PCDHGA12: variants seen among roughly 807,000 people sequenced by gnomAD.
PCDHGA12 encodes protocadherin gamma subfamily A, 12, also known as protocadherin gamma-A12.
Under a neutral mutation model 61.1 loss-of-function variants are expected in PCDHGA12, and 43 were observed. The ratio of observed to expected loss-of-function variants is 0.70; its 90% confidence interval spans 0.55 to 0.91. PCDHGA12 has a LOEUF of 0.91. Ranked by LOEUF, PCDHGA12 falls within the 40% of genes least tolerant of loss-of-function variation. PCDHGA12 has a pLI of 0.00. For synonymous variants in PCDHGA12, 520 were observed against 542.9 expected (o/e 0.96, Z 0.59); for missense variants, 1,236 against 1,227.7 (o/e 1.01, Z -0.10).
At chr5:141,495,974 CTCTT>C (rs1562171251) in intron 2 of PCDHGA12, among the ~76,000 whole-genome samples, 2 of 152,032 alleles carry the variant, frequency 1.3e-5, no homozygotes, top group Non-Finnish European at 1.5e-5. Context: ...TTCTCTGTTA[CTCTT>C]TCTTTATCTC....
At chr5:141,492,487 C>G (rs1031047955) in intron 1 of PCDHGA12, among the ~76,000 whole-genome samples, 1 of 152,222 alleles carries the variant, frequency 6.6e-6, no homozygotes, top group Non-Finnish European at 1.5e-5. Flanking sequence ...CGCCCAGGAC[C>G]AGGCGAGGAC....
chr5:141,476,966 G>A lies in PCDHGA12; in HGVS notation c.2425-17841G>A. ...CAACGGTGAAATTATTTACTCCTTC[G>A]GCAGCCACAACCGCGCCGGCGTGCG... On this transcript the variant is annotated intron_variant, in intron 1 of 3. Transcript: ENST00000252085. This position sits in a 1 kb window ranked among gnomAD's most constrained non-coding sequence, Gnocchi z 7.6. 1 of 1,614,152 alleles carries A rather than the reference G, an allele frequency of 6.2e-7. No individual in the cohort carries two copies. The highest frequency in any genetic ancestry group is 8.5e-7 in the Non-Finnish European group (1 of 1,180,032).
At chr5:141,508,879 G>A (rs2547559) in intron 3 of PCDHGA12, among the ~76,000 whole-genome samples, 2 of 152,070 alleles carry the variant, frequency 1.3e-5, no homozygotes, top group East Asian at 3.9e-4. Context: ...AGAGGCTGAC[G>A]GCTGGAGGGG....
In PCDHGA12 at chr5:141,491,633, C is replaced by T; in HGVS notation, c.2425-3174C>T. Reference sequence around the variant, plus strand: ...CTAAGACCCCTCAGCGTTCAGCAGCCCACAGCTCTGGCGCTGGAGCCTGAC... The same window carrying T: ...CTAAGACCCCTCAGCGTTCAGCAGCTCACAGCTCTGGCGCTGGAGCCTGAC... On this transcript the variant is annotated intron_variant, in intron 1 of 3. Transcript: ENST00000252085. This position sits in a 1 kb window ranked among gnomAD's most constrained non-coding sequence, Gnocchi z 6.9. 2 of 1,613,916 alleles carry T rather than the reference C, an allele frequency of 1.2e-6. No homozygotes were observed.
chr5:141,436,921 C>T lies in PCDHGA12; in HGVS notation c.2424+3738C>T, dbSNP rs73794904. Among the ~76,000 whole-genome samples the T allele has an allele frequency of 9.3e-3, 1,413 of 152,246 alleles. 25 individuals carry two copies. The highest frequency in any genetic ancestry group is 0.032 in the African/African-American group (1,313 of 41,572). On this transcript the variant is annotated intron_variant, in intron 1 of 3. Coordinates refer to ENST00000252085, the MANE Select transcript of PCDHGA12 (RefSeq NM_003735.3). ...ATATGAGACAATTTTGTGAGTGTTA[C>T]TTTTTCTTTGTCTGAACCATAGTGA...
Position 141,478,335 on chromosome 5 carries a change from C to T in PCDHGA12, c.2425-16472C>T, listed in dbSNP as rs202213361. On this transcript the variant is annotated intron_variant, in intron 1 of 3. Coordinates refer to ENST00000252085, the MANE Select transcript of PCDHGA12 (RefSeq NM_003735.3). ...AGCTCACTGTACCGAACACCAGGGC[C>T]CTCCTTGCACGCGGACGCCGTGCGG... 4.7e-5 allele frequency: 76 copies of T among 1,613,822 alleles called. No individual in the cohort carries two copies. The highest frequency in any genetic ancestry group is 6.1e-5 in the Non-Finnish European group (72 of 1,180,028).
At position 141,487,080 on chromosome 5, in the gene PCDHGA12, C is replaced by G. The variant is rs2154580766; in HGVS notation, c.2425-7727C>G. 1 of 1,614,126 alleles carries G rather than the reference C, an allele frequency of 6.2e-7. No individual in the cohort carries two copies. Among genetic ancestry groups the G allele is most frequent in the East Asian group, 2.2e-5 (1 of 44,872 alleles). On this transcript the variant is annotated intron_variant, in intron 1 of 3. Coordinates refer to ENST00000252085, the MANE Select transcript of PCDHGA12 (RefSeq NM_003735.3). This position sits in a 1 kb window ranked among gnomAD's most constrained non-coding sequence, Gnocchi z 5.0. ...GTGCGGACGGCTGTTCCTATCCCAG[C>G]TGACCTCCCACCACAGAAGCTGGTC...
chr5:141,455,577 C>T (rs1000865176), intron 1 of PCDHGA12, among the ~76,000 whole-genome samples: 3 of 152,120 alleles, frequency 2.0e-5, no homozygotes, highest in East Asian at 1.9e-4. Context: ...CCCACCCCAG[C>T]CTTTTAATAT....
chr5:141,431,973 TC>T lies in PCDHGA12; in HGVS notation c.1215del (p.Thr406GlnfsTer3), dbSNP rs770294598. 13 of 1,614,100 alleles carry T rather than the reference TC, an allele frequency of 8.1e-6. No individual in the cohort carries two copies. The highest frequency in any genetic ancestry group is 1.0e-5 in the Non-Finnish European group (12 of 1,180,038). On this transcript the variant is annotated frameshift_variant, in exon 1 of 4. Transcript: ENST00000252085. LOFTEE classifies it high-confidence loss of function. This position sits in a 1 kb window ranked among gnomAD's most constrained non-coding sequence, Gnocchi z 4.8. Reference protein sequence around the residue: ...EKSYGNYYSLVTDIVLDREQV... With the variant: ...EKSYGNYYSLXTDIVLDREQV... ...TCTTACGGAAATTACTATAGTTTAG[TC>T]ACAGACATAGTCTTGGATAGGGAAC...
intron 1 of PCDHGA12, among the ~76,000 whole-genome samples, chr5:141,455,808 A>G (rs2098832210): frequency 6.6e-6 from 1 of 152,050 alleles, no homozygotes; most frequent in Non-Finnish European, 1.5e-5. Flanking sequence ...TAAAAAATGA[A>G]AACTTCCCAA....
In PCDHGA12 at chr5:141,477,244, G is replaced by T. The variant is rs367944211; in HGVS notation, c.2425-17563G>T. On this transcript the variant is annotated intron_variant, in intron 1 of 3. Coordinates refer to ENST00000252085, the MANE Select transcript of PCDHGA12 (RefSeq NM_003735.3). The surrounding 1 kb of genome is among the most constrained non-coding windows in gnomAD (Gnocchi z 4.9). ...GGACTGTCATCGCTTTGCTCAGTGT[G>T]ACTGACCTGGATGCTGGCGAGAACG... 9 of 1,614,190 alleles carry T rather than the reference G, an allele frequency of 5.6e-6. No homozygotes were observed. Among genetic ancestry groups the T allele is most frequent in the Non-Finnish European group, 7.6e-6 (9 of 1,180,052 alleles).
chr5:141,477,553 A>T lies in PCDHGA12; in HGVS notation c.2425-17254A>T, dbSNP rs1478806410. 6.2e-7 allele frequency: 1 copy of T among 1,614,090 alleles called. No homozygotes were observed. Among genetic ancestry groups the T allele is most frequent in the Admixed American group, 1.7e-5 (1 of 60,028 alleles). On this transcript the variant is annotated intron_variant, in intron 1 of 3. Coordinates refer to ENST00000252085, the MANE Select transcript of PCDHGA12 (RefSeq NM_003735.3). The surrounding 1 kb of genome is among the most constrained non-coding windows in gnomAD (Gnocchi z 4.9). ...TCCCCGGGGCTCCAATACTAAACCT[A>T]AGTGTCTGGGACCCCGACGCCCCGC...
intron 2 of PCDHGA12, among the ~76,000 whole-genome samples, chr5:141,498,352 CA>C: frequency 6.6e-6 from 1 of 151,890 alleles, no homozygotes; most frequent in African/African-American, 2.4e-5. Flanking sequence ...AAAGCCTATG[CA>C]AAAGCCTTGT....
Position 141,486,657 on chromosome 5 carries a change from T to C in PCDHGA12, c.2425-8150T>C. Reference sequence around the variant, plus strand: ...AATGCGCTTATCTCCTACTCACTCCTGGAGCCCAGGAATCGAGATGTATCA... The same window carrying C: ...AATGCGCTTATCTCCTACTCACTCCCGGAGCCCAGGAATCGAGATGTATCA... On this transcript the variant is annotated intron_variant, in intron 1 of 3. Transcript: ENST00000252085. The surrounding 1 kb of genome is among the most constrained non-coding windows in gnomAD (Gnocchi z 5.0). The C allele has an allele frequency of 6.2e-7, 1 of 1,614,010 alleles. No individual in the cohort carries two copies. Among genetic ancestry groups the C allele is most frequent in the Non-Finnish European group, 8.5e-7 (1 of 1,180,030 alleles).
chr5:141,435,904 C>G (rs967350870), intron 1 of PCDHGA12, among the ~76,000 whole-genome samples: 2 of 152,068 alleles, frequency 1.3e-5, no homozygotes, highest in Admixed American at 6.5e-5. Context: ...TGAAAGACAT[C>G]CAAGGGCTCT....
In PCDHGA12 at chr5:141,476,606, G is replaced by A; in HGVS notation, c.2425-18201G>A. 1 of 1,614,244 alleles carries A rather than the reference G, an allele frequency of 6.2e-7. No homozygotes were observed. Among genetic ancestry groups the A allele is most frequent in the Non-Finnish European group, 8.5e-7 (1 of 1,180,046 alleles). Reference sequence around the variant, plus strand: ...GCTCGAGAGCGCGCACGATCCCGATGTGGGAAGCAACTCTTTACAAACCTA... The same window carrying A: ...GCTCGAGAGCGCGCACGATCCCGATATGGGAAGCAACTCTTTACAAACCTA... On this transcript the variant is annotated intron_variant, in intron 1 of 3. Transcript: ENST00000252085. The surrounding 1 kb of genome is among the most constrained non-coding windows in gnomAD (Gnocchi z 7.6).
Position 141,476,441 on chromosome 5 carries a change from GAGTTGGT to G in PCDHGA12, c.2425-18362_2425-18356del. 3 of 1,614,160 alleles carry G rather than the reference GAGTTGGT, an allele frequency of 1.9e-6. No homozygotes were observed. The South Asian group carries it at 3.3e-5, about 18-fold the overall frequency. ...ACTGCCCTCTTGCACTGTAACTCTG[GAGTTGGT>G]AGTGGAGAACCCGCTGGAGCTGTTC... On this transcript the variant is annotated intron_variant, in intron 1 of 3. Transcript: ENST00000252085. The surrounding 1 kb of genome is among the most constrained non-coding windows in gnomAD (Gnocchi z 7.6).
At chr5:141,503,396 A>G (rs1025780031) in intron 2 of PCDHGA12, among the ~76,000 whole-genome samples, 2 of 151,944 alleles carry the variant, frequency 1.3e-5, no homozygotes, top group African/African-American at 2.4e-5. Flanking sequence ...GGAGTTCGAA[A>G]CCAACCTGGC....
intron 2 of PCDHGA12, among the ~76,000 whole-genome samples, chr5:141,496,955 G>T (rs2099772887): frequency 6.6e-6 from 1 of 152,006 alleles, no homozygotes; most frequent in African/African-American, 2.4e-5. Context: ...GGAGGCCAAG[G>T]TGGGTAGATC....
Sources: gnomAD v4.1 joint callset for allele counts (sites outside exome capture counted in the v4.1 genomes callset) on GRCh38, gnomAD v4.1.1 for gene constraint, Gnocchi (gnomAD v3.1) non-coding constraint, MANE v1.5 for transcripts, NCBI Gene and HGNC (gene_info 2026-07-23, HGNC 2026-07-21) for gene names.